Variants in MAPK14 observed in about 807,000 individuals in gnomAD.
MAPK14 encodes mitogen-activated protein kinase 14.
Under a neutral mutation model 49.6 loss-of-function variants are expected in MAPK14, and 16 were observed. The ratio of observed to expected loss-of-function variants is 0.32; its 90% CI spans 0.22 to 0.49. MAPK14 has a LOEUF of 0.49. Ranked by LOEUF, MAPK14 falls within the 20% of genes least tolerant of loss-of-function variation. The pLI is 0.99. For missense variants in MAPK14, 200 were observed against 441.2 expected (o/e 0.45, Z 4.90); for synonymous variants, 142 against 158.0 (o/e 0.90, Z 0.76).
intron 8 of MAPK14, among the ~76,000 whole-genome samples, chr6:36,083,923 C>T (rs1197885460): frequency 6.6e-6 from 1 of 152,156 alleles, no homozygotes; most frequent in Non-Finnish European, 1.5e-5. Flanking sequence ...GGTCGCCAGA[C>T]ACCTTATGCA....
chr6:36,049,328 C>CT (rs1372242997), intron 1 of MAPK14, among the ~76,000 whole-genome samples: 2 of 151,980 alleles, frequency 1.3e-5, no homozygotes, highest in African/African-American at 2.4e-5. Flanking sequence ...CCTTTCTTTT[C>CT]TTTTTTCCTT....
chr6:36,105,864 T>C (rs1271125853), intron 10 of MAPK14, among the ~76,000 whole-genome samples: 1 of 152,180 alleles, frequency 6.6e-6, no homozygotes, highest in Non-Finnish European at 1.5e-5. Context: ...TGATAACTGG[T>C]TATATGGCAG....
chr6:36,083,486 G>A (rs1764847820), intron 8 of MAPK14, among the ~76,000 whole-genome samples: 1 of 152,184 alleles, frequency 6.6e-6, no homozygotes, highest in African/African-American at 2.4e-5. Flanking sequence ...CATCACTGCA[G>A]CTCCAGTCTG....
chr6:36,065,917 A>G (rs1419042252), intron 3 of MAPK14, among the ~76,000 whole-genome samples: 2 of 152,172 alleles, frequency 1.3e-5, no homozygotes, highest in Non-Finnish European at 2.9e-5. Flanking sequence ...AATTTATGTA[A>G]TGATGCTTCT....
At chr6:36,123,962 G>A in the MAPK14 span, among the ~76,000 whole-genome samples, 1 of 151,944 alleles carries the variant, frequency 6.6e-6, no homozygotes, top group East Asian at 1.9e-4. Flanking sequence ...CCAGAAGGCT[G>A]GCTGAGAGGT....
chr6:36,047,483 AT>A (rs918785019), intron 1 of MAPK14, among the ~76,000 whole-genome samples: 2 of 152,212 alleles, frequency 1.3e-5, no homozygotes, highest in Non-Finnish European at 2.9e-5. Flanking sequence ...AGAAATTTGC[AT>A]TTTACTCTGT....
chr6:36,069,641 C>G (rs183399945), intron 3 of MAPK14, among the ~76,000 whole-genome samples: 121 of 152,214 alleles, frequency 7.9e-4, no homozygotes, highest in African/African-American at 2.9e-3. Context: ...TGGATGTGGT[C>G]TCTGAGGGGG....
the MAPK14 span, among the ~76,000 whole-genome samples, chr6:36,117,127 A>G: frequency 1.3e-5 from 2 of 152,188 alleles, no homozygotes; most frequent in African/African-American, 4.8e-5. Context: ...TATCTTGTTC[A>G]GCACACACTG....
rs1765946128 is a variant in MAPK14, at chr6:36,110,868, C to T, written c.*2421C>T. 6.6e-6 allele frequency: 1 copy of T among 152,220 alleles called. No individual in the cohort carries two copies. The highest frequency in any genetic ancestry group is 2.1e-4 in the South Asian group (1 of 4,832). The allele number at this position is 152,220 out of a possible 1,614,324, so 9.4% of individuals were successfully genotyped here. On this transcript the variant is annotated 3_prime_UTR_variant, in exon 12 of 12. Coordinates refer to ENST00000229794, the MANE Select transcript of MAPK14 (RefSeq NM_139012.3). ...GACCTGGCATACTTGTCTGACAGAT[C>T]TTAATACTACTCCTAACATTTAGAA...
chr6:36,076,736 A>C, intron 8 of MAPK14, 128 bp downstream of exon 8: 2 of 560,802 alleles, frequency 3.6e-6, no homozygotes, highest in Non-Finnish European at 6.1e-6. Context: ...ATAATGCATT[A>C]TGAGGTCTTT....
chr6:36,115,010 T>C (rs1766036533), downstream of MAPK14, among the ~76,000 whole-genome samples: 1 of 152,172 alleles, frequency 6.6e-6, no homozygotes, highest in African/African-American at 2.4e-5. Context: ...GGGAACAGTG[T>C]GTGTCTCTAA....
intron 2 of MAPK14, among the ~76,000 whole-genome samples, chr6:36,056,163 A>G (rs1000889278): frequency 6.6e-6 from 1 of 151,914 alleles, no homozygotes; most frequent in African/African-American, 2.4e-5. Flanking sequence ...TATGTCTCAT[A>G]TTCTGTTAAT....
chr6:36,074,849 C>T (rs975610263), intron 6 of MAPK14, among the ~76,000 whole-genome samples: 5 of 151,760 alleles, frequency 3.3e-5, no homozygotes, highest in African/African-American at 9.7e-5. Flanking sequence ...CTCCTGACCT[C>T]GTGATCCACC....
intron 9 of MAPK14, chr6:36,100,098 G>A (rs1252656451): frequency 1.2e-6 from 1 of 862,218 alleles, no homozygotes; most frequent in Non-Finnish European, 2.0e-6. Context: ...TTGTCTGTTT[G>A]GGGGTGGCTT....
intron 9 of MAPK14, among the ~76,000 whole-genome samples, chr6:36,100,866 A>T (rs1292067821): frequency 1.3e-5 from 2 of 152,120 alleles, no homozygotes; most frequent in Non-Finnish European, 2.9e-5. Context: ...TATTTTGGGG[A>T]ACCAGGTTGG....
At chr6:36,100,742 A>G (rs558108122) in intron 9 of MAPK14, among the ~76,000 whole-genome samples, 4 of 152,338 alleles carry the variant, frequency 2.6e-5, no homozygotes, top group African/African-American at 9.6e-5. Context: ...GAATAAATAC[A>G]AACACTTTGG....
chr6:36,073,780 G>A (rs1401205955), intron 5 of MAPK14, 60 bp downstream of exon 5: 14 of 1,498,068 alleles, frequency 9.3e-6, no homozygotes, highest in East Asian at 2.3e-5. Flanking sequence ...TGGAAGAATG[G>A]CATTTAGCCA....
intron 8 of MAPK14, among the ~76,000 whole-genome samples, chr6:36,079,272 G>C (rs1159994482): frequency 2.0e-5 from 3 of 152,140 alleles, no homozygotes; most frequent in Middle Eastern, 3.2e-3. Context: ...GTTCTTCGCT[G>C]TTCTTCTAAT....
At chr6:36,073,237 T>G in intron 4 of MAPK14, 2 of 475,934 alleles carry the variant, frequency 4.2e-6, no homozygotes, top group Non-Finnish European at 3.8e-6. Flanking sequence ...CATTATATAA[T>G]ACCATCCATA....
Sources: allele counts gnomAD v4.1 joint callset (sites outside exome capture counted in the v4.1 genomes callset), GRCh38; gene constraint gnomAD v4.1.1; transcripts MANE v1.5; gene names NCBI Gene and HGNC (gene_info 2026-07-23, HGNC 2026-07-21).